Variants in RANBP2 observed in about 807,000 individuals in gnomAD.
The protein encoded by RANBP2 is E3 SUMO-protein ligase RanBP2.
RANBP2 carries 57 observed loss-of-function variants against 303.6 expected under a neutral mutation model. The observed-to-expected ratio is 0.19, with a 90% CI of 0.15 to 0.23. The LOEUF is 0.23. RANBP2 is among the 10% of genes least tolerant of loss of function. The pLI is 1.00. For synonymous variants in RANBP2, 1,167 were observed against 1,301.5 expected (o/e 0.90, Z 2.23); for missense variants, 3,138 against 3,780.8 (o/e 0.83, Z 4.46).
At chr2:109,185,468 C>T in the RANBP2 span, among the ~76,000 whole-genome samples, 1 of 152,228 alleles carries the variant, frequency 6.6e-6, no homozygotes, top group East Asian at 1.9e-4. Flanking sequence ...AAAATAAACT[C>T]AGGACATCAC....
chr2:109,184,392 T>C, the RANBP2 span, among the ~76,000 whole-genome samples: 2 of 152,184 alleles, frequency 1.3e-5, no homozygotes, highest in East Asian at 1.9e-4. Context: ...AAAGGCAGCT[T>C]TTCAGGTGAT....
the RANBP2 span, among the ~76,000 whole-genome samples, chr2:109,345,879 T>C: frequency 6.6e-6 from 1 of 152,196 alleles, no homozygotes. Context: ...TGTTTGGCAG[T>C]GTCCCTGGTC....
the RANBP2 span, among the ~76,000 whole-genome samples, chr2:109,406,636 C>T: frequency 1.3e-5 from 2 of 152,096 alleles, no homozygotes; most frequent in Admixed American, 1.3e-4. Context: ...GTATATCATC[C>T]GCAGCTGTTT....
the RANBP2 span, among the ~76,000 whole-genome samples, chr2:109,028,859 C>A: frequency 6.6e-6 from 1 of 152,180 alleles, no homozygotes; most frequent in South Asian, 2.1e-4. Flanking sequence ...GTGTGGCTGT[C>A]AGGGACTGTG....
At chr2:108,796,398 G>C in the RANBP2 span, among the ~76,000 whole-genome samples, 1 of 152,170 alleles carries the variant, frequency 6.6e-6, no homozygotes, top group Non-Finnish European at 1.5e-5. Context: ...TACTTTGTAA[G>C]TACAGCCACT....
At chr2:108,944,921 A>G in the RANBP2 span, among the ~76,000 whole-genome samples, 4 of 152,176 alleles carry the variant, frequency 2.6e-5, no homozygotes, top group Non-Finnish European at 5.9e-5. Context: ...GCCCTTTGAC[A>G]TGAGCAGAAG....
the RANBP2 span, among the ~76,000 whole-genome samples, chr2:109,022,431 A>C: frequency 2.6e-5 from 4 of 152,224 alleles, no homozygotes; most frequent in African/African-American, 7.2e-5. Context: ...CCAGGTGCTC[A>C]GAAAGGTGGA....
At chr2:108,961,558 C>G in the RANBP2 span, among the ~76,000 whole-genome samples, 1 of 152,208 alleles carries the variant, frequency 6.6e-6, no homozygotes. Flanking sequence ...TTGAACTGCT[C>G]TTTTGGTTAT....
At chr2:109,685,921 C>G in the RANBP2 span, among the ~76,000 whole-genome samples, 1 of 151,882 alleles carries the variant, frequency 6.6e-6, no homozygotes, top group Non-Finnish European at 1.5e-5. Flanking sequence ...TGGGTAAAAC[C>G]CCCCCAAAAA....
At chr2:109,432,555 C>G in the RANBP2 span, 2 of 1,613,592 alleles carry the variant, frequency 1.2e-6, no homozygotes, top group Non-Finnish European at 1.7e-6. Flanking sequence ...TGGAGCTGCA[C>G]AAGGGAGAGA....
the RANBP2 span, among the ~76,000 whole-genome samples, chr2:109,404,968 T>C: frequency 6.6e-6 from 1 of 152,074 alleles, no homozygotes; most frequent in Admixed American, 6.5e-5. Flanking sequence ...TGGCCCCTCC[T>C]GCCAGACCCT....
the RANBP2 span, among the ~76,000 whole-genome samples, chr2:108,963,008 G>T: frequency 6.6e-6 from 1 of 152,146 alleles, no homozygotes; most frequent in Non-Finnish European, 1.5e-5. Context: ...AGGGACATCT[G>T]CACCAGCGAT....
At chr2:109,395,527 G>A in the RANBP2 span, among the ~76,000 whole-genome samples, 4 of 152,154 alleles carry the variant, frequency 2.6e-5, no homozygotes, top group East Asian at 1.9e-4. Flanking sequence ...TTCTCCTGCC[G>A]TCTGTTGAAG....
At chr2:109,241,257 T>TAACAACAACAACAAC in the RANBP2 span, among the ~76,000 whole-genome samples, 1 of 151,184 alleles carries the variant, frequency 6.6e-6, no homozygotes, top group African/African-American at 2.4e-5. Context: ...CCTAAGAATA[T>TAACAACAACAACAAC]AACAACAACA....
the RANBP2 span, among the ~76,000 whole-genome samples, chr2:109,341,915 A>T: frequency 1.3e-5 from 2 of 152,342 alleles, no homozygotes; most frequent in Non-Finnish European, 2.9e-5. Context: ...AATTTGGAAT[A>T]TTCTGACAGA....
intron 4 of RANBP2, chr2:108,731,939 T>C (rs528954203): frequency 2.8e-4 from 47 of 166,586 alleles, no homozygotes; most frequent in Middle Eastern, 3.1e-3. Flanking sequence ...ATATAAGACG[T>C]AATTACTAAA....
At chr2:109,354,435 G>A in the RANBP2 span, among the ~76,000 whole-genome samples, 19 of 152,372 alleles carry the variant, frequency 1.2e-4, no homozygotes, top group Non-Finnish European at 2.5e-4. Flanking sequence ...GAGCAGGGCT[G>A]TGGGCCACTC....
At chr2:109,696,808 C>T in the RANBP2 span, among the ~76,000 whole-genome samples, 1 of 152,168 alleles carries the variant, frequency 6.6e-6, no homozygotes, top group African/African-American at 2.4e-5. Context: ...GACAGGGTCT[C>T]ACTCTGTCAC....
chr2:108,820,817 C>A, the RANBP2 span, among the ~76,000 whole-genome samples: 4 of 152,004 alleles, frequency 2.6e-5, no homozygotes, highest in African/African-American at 4.8e-5. Flanking sequence ...ACCATTACAC[C>A]TGCCCTATAA....
Sources: allele counts gnomAD v4.1 joint callset (sites outside exome capture counted in the v4.1 genomes callset), GRCh38; gene constraint gnomAD v4.1.1; transcripts MANE v1.5; gene names NCBI Gene and HGNC (gene_info 2026-07-23, HGNC 2026-07-21).